Variants in ASTN1 observed in about 807,000 individuals in gnomAD.
ASTN1 encodes the protein astrotactin 1, also known as astrotactin-1.
In ASTN1, 41 loss-of-function variants were observed where a neutral mutation model predicts 140.7. The observed-to-expected ratio is 0.29, with a 90% CI of 0.23 to 0.38. The LOEUF is 0.38. Among genes scored for constraint, ASTN1 ranks in the 10% least tolerant of loss-of-function variants. The pLI, the probability that ASTN1 is intolerant of heterozygous loss-of-function variation, is 1.00. For synonymous variants in ASTN1, 640 were observed against 652.2 expected (o/e 0.98, Z 0.29); for missense variants, 1,479 against 1,678.8 (o/e 0.88, Z 2.08).
intron 1 of ASTN1, among the ~76,000 whole-genome samples, chr1:177,123,204 G>C (rs1681484718): frequency 6.6e-6 from 1 of 152,128 alleles, no homozygotes; most frequent in African/African-American, 2.4e-5. Context: ...CATTATTAGT[G>C]GTCCCACGCA....
rs368198179 is a variant in ASTN1, at chr1:176,864,360, C to A, written c.3809G>T (p.Arg1270Leu). The A allele has an allele frequency of 1.2e-6, 2 of 1,613,988 alleles. No individual in the cohort carries two copies. The highest frequency in any genetic ancestry group is 1.7e-6 in the Non-Finnish European group (2 of 1,180,020). The change falls in exon 23 of 23, where the codon CGG becomes CTG. Residue 1270 changes from arginine to leucine, a missense_variant. Transcript: ENST00000361833. The part of the protein sequence containing the change: ...PYGLDWAELS[R>L]DLRKTCEEQT... ...CTCCTCACACGTCTTCCTGAGGTCCCGGCTGAGCTCCGCCCAGTCAAGTCC... is the reference window on the plus strand; with the variant it reads ...CTCCTCACACGTCTTCCTGAGGTCCAGGCTGAGCTCCGCCCAGTCAAGTCC...
rs1448623981 is a variant in ASTN1 at position 176,942,824 on chromosome 1, A to G, written c.2377+1067T>C. 4.1e-3 allele frequency among the ~76,000 whole-genome samples: 63 copies of G among 15,482 alleles called. 4 individuals carry two copies. The South Asian group carries it at 0.045, about 11-fold the overall frequency. The allele number at this position is 15,482 out of a possible 152,430, so 10.2% of individuals were successfully genotyped here. ...ACCAATGTACTTTGTGTGTGTGTAT[A>G]TATATATATATGTATATATATATAT... On this transcript the variant is annotated intron_variant, in intron 14 of 22. Transcript: ENST00000361833.
intron 6 of ASTN1, among the ~76,000 whole-genome samples, chr1:177,024,056 TG>T (rs1478200448): frequency 5.3e-5 from 8 of 152,226 alleles, no homozygotes; most frequent in Admixed American, 5.2e-4. Flanking sequence ...TTAGGTGCTC[TG>T]GGCTTAAATG....
chr1:177,152,582 T>C (rs1032325616), intron 1 of ASTN1, among the ~76,000 whole-genome samples: 15 of 151,684 alleles, frequency 9.9e-5, no homozygotes. Flanking sequence ...TTTGAACAAA[T>C]GCAAATGTAT....
rs141886507 is a variant in ASTN1, at chr1:176,921,558, C to T, written c.2671+12594G>A. Among the ~76,000 whole-genome samples, 649 of 152,294 alleles carry T rather than the reference C, an allele frequency of 4.3e-3. 3 individuals are homozygous for T. Among genetic ancestry groups the T allele is most frequent in the South Asian group, 0.015 (74 of 4,828 alleles). On this transcript the variant is annotated intron_variant, in intron 16 of 22. Transcript: ENST00000361833. ...AGTAAAAGAAAGACTATTGTTGACTCCTACAACATTAACTGGTAGCTGGAA... is the reference window on the plus strand; with the variant it reads ...AGTAAAAGAAAGACTATTGTTGACTTCTACAACATTAACTGGTAGCTGGAA...
chr1:177,034,928 G>A (rs1175331932), intron 2 of ASTN1, among the ~76,000 whole-genome samples: 3 of 152,188 alleles, frequency 2.0e-5, no homozygotes, highest in Middle Eastern at 3.4e-3. Flanking sequence ...TATGTTTTTT[G>A]CTCATGTAGG....
intron 1 of ASTN1, among the ~76,000 whole-genome samples, chr1:177,107,088 C>A (rs941539468): frequency 6.6e-6 from 1 of 152,106 alleles, no homozygotes; most frequent in Admixed American, 6.5e-5. Flanking sequence ...TGGTTCAGGG[C>A]CTTGCTCTTG....
chr1:177,072,132 A>C (rs1678675410), intron 1 of ASTN1, among the ~76,000 whole-genome samples: 1 of 152,120 alleles, frequency 6.6e-6, no homozygotes, highest in Non-Finnish European at 1.5e-5. Flanking sequence ...TACCAAACCG[A>C]TGTTTATTTA....
At chr1:176,907,332 G>T (rs1670046742) in intron 16 of ASTN1, among the ~76,000 whole-genome samples, 1 of 152,128 alleles carries the variant, frequency 6.6e-6, no homozygotes. Context: ...GACAGATAAA[G>T]GGGGGAATAT....
intron 1 of ASTN1, among the ~76,000 whole-genome samples, chr1:177,151,666 T>C (rs938662460): frequency 5.9e-5 from 9 of 152,174 alleles, no homozygotes; most frequent in South Asian, 2.1e-4. Context: ...TTTTCTTCTT[T>C]AAGTCACTTC....
intron 2 of ASTN1, among the ~76,000 whole-genome samples, chr1:177,055,056 C>T (rs1288532104): frequency 6.6e-6 from 1 of 152,122 alleles, no homozygotes; most frequent in East Asian, 1.9e-4. Context: ...CAGAGAAGGC[C>T]TCAGTGGATC....
chr1:176,877,316 C>T (rs1417007172), intron 20 of ASTN1, among the ~76,000 whole-genome samples: 1 of 152,100 alleles, frequency 6.6e-6, no homozygotes, highest in Non-Finnish European at 1.5e-5. Context: ...TGCAAAGGAC[C>T]GGGGACAGCT....
chr1:177,031,410 T>C (rs1676438713), intron 3 of ASTN1, among the ~76,000 whole-genome samples: 1 of 152,210 alleles, frequency 6.6e-6, no homozygotes, highest in South Asian at 2.1e-4. Context: ...CTGTGTTATC[T>C]GTTGGCCTCC....
downstream of ASTN1, among the ~76,000 whole-genome samples, chr1:176,859,365 C>A (rs890662102): frequency 3.9e-5 from 6 of 152,168 alleles, no homozygotes; most frequent in African/African-American, 1.4e-4. Flanking sequence ...GTGGATGTAG[C>A]CCAGCCTCCA....
Position 177,032,465 on chromosome 1 carries a change from G to C in ASTN1, c.856C>G (p.Leu286Val), listed in dbSNP as rs772447954. 6.2e-7 allele frequency: 1 copy of C among 1,613,488 alleles called. No homozygotes were observed. Among genetic ancestry groups the C allele is most frequent in the Non-Finnish European group, 8.5e-7 (1 of 1,179,638 alleles). The change falls in exon 3 of 23, where the codon CTC (leucine) becomes GTC (valine). Residue 286 changes from leucine (L) to valine (V), a missense_variant. Leu to Val is a conservative substitution (Grantham distance 32). Around this residue, in one of 3 missense-constraint regions of ASTN1, gnomAD observed 729 missense variants for 860.4 expected, o/e 0.85. Transcript: ENST00000361833. ...TTTCTCCCATCCCCACCTGGTGTGA[G>C]GTCCATCCCCGACTTTTCATTGCAG... ...QGCNEKSGMDLTPGSDNAKLS... is the reference protein window; with the variant it reads ...QGCNEKSGMDVTPGSDNAKLS...
intron 1 of ASTN1, among the ~76,000 whole-genome samples, chr1:177,126,687 C>T (rs932693253): frequency 3.3e-5 from 5 of 152,212 alleles, no homozygotes; most frequent in African/African-American, 1.2e-4. Flanking sequence ...TTCTTGCTGC[C>T]ATCCTGAAGC....
At chr1:177,071,171 G>A (rs1431609663) in intron 1 of ASTN1, among the ~76,000 whole-genome samples, 2 of 152,168 alleles carry the variant, frequency 1.3e-5, no homozygotes, top group African/African-American at 2.4e-5. Context: ...AGATGTCTCT[G>A]ATAAAACTCC....
chr1:177,083,575 C>T (rs1351991482), intron 1 of ASTN1, among the ~76,000 whole-genome samples: 1 of 152,162 alleles, frequency 6.6e-6, no homozygotes, highest in African/African-American at 2.4e-5. Context: ...CTCTATAAAG[C>T]TGTGACTAAG....
rs563568266 is a variant in ASTN1 at position 176,914,338 on chromosome 1, G to A, written c.2672-19508C>T. On this transcript the variant is annotated intron_variant, in intron 16 of 22. Transcript: ENST00000361833. ...CCAGGGGAGTCGCCAAAGGCCTCAT[G>A]GAGGAATATGTTCTGAAGAATGGGC... 9.2e-5 allele frequency among the ~76,000 whole-genome samples: 14 copies of A among 152,282 alleles called. No homozygotes were observed. The South Asian group carries it at 2.9e-3, about 32-fold the overall frequency.
Sources: allele counts gnomAD v4.1 joint callset (sites outside exome capture counted in the v4.1 genomes callset), GRCh38; gene constraint gnomAD v4.1.1; regional missense constraint gnomAD v4.1.1; transcripts MANE v1.5; gene names NCBI Gene and HGNC (gene_info 2026-07-23, HGNC 2026-07-21).